The following SLC16A12 variants were observed in gnomAD, a reference collection of about 807,000 sequenced individuals.
SLC16A12 encodes the protein monocarboxylate transporter 12.
SLC16A12 carries 17 observed loss-of-function variants against 42.4 expected under a neutral mutation model. That is an observed-to-expected ratio of 0.40 (90% CI 0.27 to 0.60). SLC16A12 has a LOEUF of 0.60. Ranked by LOEUF, SLC16A12 falls within the 20% of genes least tolerant of loss-of-function variation. The probability of loss-of-function intolerance (pLI) is 0.42; values close to 1 mark genes in which losing one functional copy is unlikely to be tolerated. For synonymous variants in SLC16A12, 224 were observed against 229.4 expected, an observed-to-expected ratio of 0.98 and a Z score of 0.21; for missense variants, 544 against 623.0, an observed-to-expected ratio of 0.87 and a Z score of 1.35.
rs76766261 is a variant in SLC16A12, at chr10:89,524,579, G to A, written c.-47+9922C>T. Among the ~76,000 whole-genome samples the A allele has an allele frequency of 7.1e-3, 1,083 of 152,324 alleles. 10 individuals carry two copies. Among genetic ancestry groups the A allele is most frequent in the African/African-American group, 0.024 (1,014 of 41,562 alleles). ...TAATGGTTTGACCAACCTCAGCAAC[G>A]TTAAGTGCCTCTGGCTCTGCACGTC... On this transcript the variant is annotated intron_variant, in intron 2 of 7. Coordinates refer to ENST00000371790, the MANE Select transcript of SLC16A12 (RefSeq NM_213606.4).
chr10:89,550,417 G>T (rs1004113449), intron 2 of SLC16A12, among the ~76,000 whole-genome samples: 28 of 152,284 alleles, frequency 1.8e-4, no homozygotes, highest in African/African-American at 6.3e-4. Context: ...TACTTGGGAG[G>T]CTGAGACAGG....
intron 2 of SLC16A12, among the ~76,000 whole-genome samples, chr10:89,530,579 G>A (rs142088350): frequency 3.0e-3 from 461 of 151,978 alleles, no homozygotes; most frequent in African/African-American, 0.01. Context: ...CACCACGCCC[G>A]GCTAATTTTT....
intron 2 of SLC16A12, among the ~76,000 whole-genome samples, chr10:89,473,020 T>C (rs1342844638): frequency 6.6e-6 from 1 of 152,034 alleles, no homozygotes; most frequent in Non-Finnish European, 1.5e-5. Flanking sequence ...GGTTTCACTA[T>C]GTTTCTCAGG....
At chr10:89,550,660 G>A (rs780332378) in intron 2 of SLC16A12, among the ~76,000 whole-genome samples, 3 of 133,104 alleles carry the variant, frequency 2.3e-5, no homozygotes, top group South Asian at 2.5e-4. Context: ...CCCCACCCCC[G>A]CCTTTCTCTA....
At chr10:89,531,356 C>G (rs1843550949) in intron 2 of SLC16A12, among the ~76,000 whole-genome samples, 1 of 152,050 alleles carries the variant, frequency 6.6e-6, no homozygotes, top group African/African-American at 2.4e-5. Flanking sequence ...TCGAAATACA[C>G]CACTGCACTC....
chr10:89,551,703 A>C (rs539562882), intron 2 of SLC16A12, among the ~76,000 whole-genome samples: 1 of 152,274 alleles, frequency 6.6e-6, no homozygotes, highest in South Asian at 2.1e-4. Context: ...TGATGGTTTT[A>C]TCAGGGGTTT....
At chr10:89,550,677 C>T (rs566356971) in intron 2 of SLC16A12, among the ~76,000 whole-genome samples, 173 of 151,852 alleles carry the variant, frequency 1.1e-3, no homozygotes, top group African/African-American at 4.0e-3. Context: ...TCTACATCAT[C>T]TCGTGCCACA....
chr10:89,539,333 C>G (rs1396669911), upstream of SLC16A12, among the ~76,000 whole-genome samples: 3 of 152,206 alleles, frequency 2.0e-5, no homozygotes, highest in African/African-American at 7.2e-5. Flanking sequence ...CTCCCTTCCT[C>G]TTCTTCCCTA....
At chr10:89,453,968 TTCTC>T (rs35296744) in intron 3 of SLC16A12, among the ~76,000 whole-genome samples, 7 of 150,874 alleles carry the variant, frequency 4.6e-5, no homozygotes, top group Non-Finnish European at 8.9e-5. Context: ...GTTCTACTTA[TTCTC>T]TCTCTCTCTC....
At chr10:89,451,841 C>A (rs937153703) in intron 3 of SLC16A12, among the ~76,000 whole-genome samples, 4 of 152,148 alleles carry the variant, frequency 2.6e-5, no homozygotes, top group Non-Finnish European at 5.9e-5. Flanking sequence ...GTCCCATAAG[C>A]ACAGTGTTCT....
chr10:89,464,993 A>T (rs1842368489), intron 2 of SLC16A12, among the ~76,000 whole-genome samples: 1 of 152,214 alleles, frequency 6.6e-6, no homozygotes. Flanking sequence ...AAAAAATAAA[A>T]GTTATTACTG....
intron 2 of SLC16A12, among the ~76,000 whole-genome samples, chr10:89,525,936 T>C (rs1228326543): frequency 6.6e-6 from 1 of 152,216 alleles, no homozygotes; most frequent in Non-Finnish European, 1.5e-5. Flanking sequence ...AATAATTTTA[T>C]GTCAAAAAAT....
At chr10:89,436,739 G>T (rs1416824386) in intron 6 of SLC16A12, among the ~76,000 whole-genome samples, 1 of 149,612 alleles carries the variant, frequency 6.7e-6, no homozygotes, top group East Asian at 1.9e-4. Flanking sequence ...ATTGTCTTGG[G>T]CCACACATAA....
chr10:89,519,911 A>G (rs1413443690), intron 2 of SLC16A12, among the ~76,000 whole-genome samples: 1 of 151,962 alleles, frequency 6.6e-6, no homozygotes, highest in East Asian at 1.9e-4. Context: ...TCAGGAGTTC[A>G]AGACCAGCCT....
intron 2 of SLC16A12, among the ~76,000 whole-genome samples, chr10:89,488,674 T>A (rs954092515): frequency 6.6e-6 from 1 of 152,210 alleles, no homozygotes; most frequent in African/African-American, 2.4e-5. Context: ...AATGATGCCT[T>A]AGAAATCTGT....
At chr10:89,542,296 CT>C (rs1329731250) in intron 2 of SLC16A12, among the ~76,000 whole-genome samples, 2 of 113,976 alleles carry the variant, frequency 1.8e-5, no homozygotes. Context: ...GTTATATTTT[CT>C]TTTTTTTTCT....
intron 2 of SLC16A12, among the ~76,000 whole-genome samples, chr10:89,496,665 T>C (rs1252187784): frequency 2.6e-5 from 4 of 152,102 alleles, no homozygotes; most frequent in African/African-American, 9.7e-5. Flanking sequence ...AAAGGCAAAA[T>C]AATTAAGCTT....
At chr10:89,548,025 G>C (rs12263957) in intron 2 of SLC16A12, among the ~76,000 whole-genome samples, 50,567 of 149,746 alleles carry the variant, frequency 0.34, 10,383 homozygotes, top group African/African-American at 0.58. Context: ...AAGGTGGAGC[G>C]TGACATTATA....
At chr10:89,551,067 G>A (rs891839680) in intron 2 of SLC16A12, among the ~76,000 whole-genome samples, 14 of 152,156 alleles carry the variant, frequency 9.2e-5, no homozygotes, top group African/African-American at 3.4e-4. Context: ...AAGTTAGAAA[G>A]GTCCATTTTG....
Sources: allele counts gnomAD v4.1 joint callset (sites outside exome capture counted in the v4.1 genomes callset), GRCh38; gene constraint gnomAD v4.1.1; transcripts MANE v1.5; gene names NCBI Gene and HGNC (gene_info 2026-07-23, HGNC 2026-07-21).